The following PDE1C variants were observed in gnomAD, a reference collection of about 807,000 sequenced individuals.
PDE1C encodes dual specificity calcium/calmodulin-dependent 3',5'-cyclic nucleotide phosphodiesterase 1C.
PDE1C carries 62 observed loss-of-function variants against 93.1 expected under a neutral mutation model. The observed-to-expected ratio is 0.67, with a 90% CI of 0.54 to 0.82. PDE1C has a LOEUF of 0.82. Among genes scored for constraint, PDE1C ranks in the 40% least tolerant of loss-of-function variants. The pLI, the probability that PDE1C is intolerant of heterozygous loss-of-function variation, is 0.00. For missense variants in PDE1C, 742 were observed against 884.6 expected (o/e 0.84, Z 2.04); for synonymous variants, 325 against 310.1 (o/e 1.05, Z -0.50).
chr7:32,233,486 G>A (rs1299960953), intron 1 of PDE1C, among the ~76,000 whole-genome samples: 1 of 152,006 alleles, frequency 6.6e-6, no homozygotes, highest in African/African-American at 2.4e-5. Context: ...AAATGGATAA[G>A]AAAAATTATA....
chr7:31,864,858 C>T lies in PDE1C; in HGVS notation c.750+84G>A, dbSNP rs1795092802. 4 of 1,330,810 alleles carry T rather than the reference C, an allele frequency of 3.0e-6. No homozygotes were observed. The Admixed American group carries it at 5.3e-5, about 18-fold the overall frequency. The allele number at this position is 1,330,810 out of a possible 1,614,324, so 82.4% of individuals were successfully genotyped here. A position where few individuals can be genotyped will look rare whatever the true frequency, so the allele number is the denominator to read the frequency against. On this transcript the variant is annotated intron_variant, in intron 7 of 17. Transcript: ENST00000396191. ...AAAACAATGCATGACTCGTGGCCTC[C>T]ACCTCATCAGAATTGGAACAGTCAC... is the stretch of plus-strand genomic sequence containing the variant.
rs1785365170 is a variant in PDE1C, at chr7:32,420,110, T to TATATATATATATATAC, written c.310+7696_310+7711dup. Among the ~76,000 whole-genome samples the TATATATATATATATAC allele has an allele frequency of 8.5e-5, 2 of 23,642 alleles. 1 individual carries two copies. The highest frequency in any genetic ancestry group is 1.8e-4 in the Non-Finnish European group (2 of 11,404). The allele number at this position is 23,642 out of a possible 152,430, so 15.5% of individuals were successfully genotyped here. On this transcript the variant is annotated intron_variant, in intron 1 of 1. Coordinates refer to the PDE1C transcript ENST00000672256. ...GTGGTGGCATATATATATATATATA[T>TATATATATATATATAC]ATATATATATATATACACACACACA... is the stretch of plus-strand genomic sequence containing the variant.
At chr7:31,750,714 G>T (rs1263219324), downstream of PDE1C, among the ~76,000 whole-genome samples, 3 of 152,016 alleles carry the variant, frequency 2.0e-5, no homozygotes, top group African/African-American at 7.2e-5. Flanking sequence ...AGTTCCAATT[G>T]TTTTTTTTGT....
intron 5 of PDE1C, among the ~76,000 whole-genome samples, chr7:31,873,961 T>C (rs1796240238): frequency 6.6e-6 from 1 of 152,202 alleles, no homozygotes; most frequent in Non-Finnish European, 1.5e-5. Context: ...AGTTTACAGT[T>C]AAGAATGTTA....
chr7:32,288,057 G>A (rs542267236), intron 1 of PDE1C, among the ~76,000 whole-genome samples: 36 of 152,292 alleles, frequency 2.4e-4, no homozygotes, highest in African/African-American at 8.4e-4. Flanking sequence ...GGGAGGCTGA[G>A]GCAGGAGAAT....
chr7:31,967,180 T>C (rs545675125), intron 2 of PDE1C, among the ~76,000 whole-genome samples: 27 of 152,320 alleles, frequency 1.8e-4, no homozygotes, highest in African/African-American at 6.5e-4. Context: ...AGCTGCTTTT[T>C]TGAAACGATC....
the PDE1C span, among the ~76,000 whole-genome samples, chr7:31,661,214 T>C: frequency 6.6e-6 from 1 of 152,110 alleles, no homozygotes; most frequent in Non-Finnish European, 1.5e-5. Flanking sequence ...GAGCATCCAA[T>C]AAGCCACTGT....
intron 17 of PDE1C, among the ~76,000 whole-genome samples, chr7:31,764,906 T>C (rs1795045525): frequency 6.6e-6 from 1 of 152,232 alleles, no homozygotes. Context: ...TCACTTTGAA[T>C]ATACACAAGC....
At chr7:32,423,567 C>T (rs1192029295) in intron 1 of PDE1C, among the ~76,000 whole-genome samples, 1 of 152,166 alleles carries the variant, frequency 6.6e-6, no homozygotes, top group Non-Finnish European at 1.5e-5. Context: ...GGTCCTATCC[C>T]ATGGCAACAA....
At chr7:31,839,272 T>C (rs188168140) in intron 9 of PDE1C, among the ~76,000 whole-genome samples, 2 of 150,532 alleles carry the variant, frequency 1.3e-5, no homozygotes, top group East Asian at 3.9e-4. Flanking sequence ...ATACACACAT[T>C]ATTTTAAAAT....
At chr7:32,370,786 TAATAAATA>T (rs66899931) in intron 1 of PDE1C, among the ~76,000 whole-genome samples, 5,066 of 149,800 alleles carry the variant, frequency 0.034, 271 homozygotes, top group African/African-American at 0.12. Context: ...TAAAGTATAA[TAATAAATA>T]AATAAATAAA....
chr7:31,897,550 T>G (rs1029812742), intron 2 of PDE1C, among the ~76,000 whole-genome samples: 2 of 152,238 alleles, frequency 1.3e-5, no homozygotes, highest in East Asian at 1.9e-4. Flanking sequence ...TAATTTGACA[T>G]ACTTCACTTT....
At chr7:32,426,851 C>T (rs1785543662) in intron 1 of PDE1C, among the ~76,000 whole-genome samples, 1 of 152,184 alleles carries the variant, frequency 6.6e-6, no homozygotes, top group Non-Finnish European at 1.5e-5. Context: ...CCCTCACTAT[C>T]CACTTAATCT....
the PDE1C span, among the ~76,000 whole-genome samples, chr7:31,677,475 T>C: frequency 2.0e-5 from 3 of 152,154 alleles, no homozygotes; most frequent in East Asian, 3.8e-4. Context: ...TTCCCAGACA[T>C]ATAAAGTGTG....
chr7:31,930,754 C>A (rs551927017), intron 2 of PDE1C, among the ~76,000 whole-genome samples: 4 of 141,848 alleles, frequency 2.8e-5, no homozygotes, highest in African/African-American at 1.0e-4. Flanking sequence ...GAGGCTGAGG[C>A]AGGAGAATCA....
chr7:31,655,965 T>C, the PDE1C span: 39 of 985,286 alleles, frequency 4.0e-5, no homozygotes, highest in Non-Finnish European at 4.7e-5. Flanking sequence ...AATCTCCAAT[T>C]CTATTCCCCT....
At chr7:32,109,600 A>G (rs1798533271) in intron 3 of PDE1C, among the ~76,000 whole-genome samples, 1 of 152,126 alleles carries the variant, frequency 6.6e-6, no homozygotes, top group Non-Finnish European at 1.5e-5. Context: ...GTCTCCAGAC[A>G]TTGTCAGATG....
chr7:32,256,478 T>C (rs1389873707), intron 1 of PDE1C, among the ~76,000 whole-genome samples: 1 of 152,092 alleles, frequency 6.6e-6, no homozygotes, highest in East Asian at 1.9e-4. Context: ...AAAGCATAAG[T>C]GCAAGGGCCT....
At chr7:32,050,896 T>C (rs1293684891) in intron 2 of PDE1C, among the ~76,000 whole-genome samples, 1 of 152,210 alleles carries the variant, frequency 6.6e-6, no homozygotes, top group Non-Finnish European at 1.5e-5. Flanking sequence ...CCTGGTGAGT[T>C]ATTTTTGAAC....
Sources: allele counts gnomAD v4.1 joint callset (sites outside exome capture counted in the v4.1 genomes callset), GRCh38; gene constraint gnomAD v4.1.1; transcripts MANE v1.5; gene names NCBI Gene and HGNC (gene_info 2026-07-23, HGNC 2026-07-21).